KDM2B: variants seen among roughly 807,000 people sequenced by gnomAD.
The protein encoded by KDM2B is lysine demethylase 2B, also known as lysine-specific demethylase 2B.
KDM2B carries 26 observed loss-of-function variants against 150.0 expected under a neutral mutation model. That is an observed-to-expected ratio of 0.17 (90% CI 0.13 to 0.24). The LOEUF (loss-of-function observed/expected upper bound fraction) is 0.24, where lower values mean the gene tolerates loss of function less well. Ranked by LOEUF, KDM2B falls within the 10% of genes least tolerant of loss-of-function variation. KDM2B has a pLI of 1.00. For synonymous variants in KDM2B, 734 were observed against 729.5 expected, an observed-to-expected ratio of 1.01 and a Z score of -0.10; for missense variants, 1,265 against 1,816.9, an observed-to-expected ratio of 0.70 and a Z score of 5.52.
rs547707847 is a variant in KDM2B, at chr12:121,436,273, G to C, written c.3829+3584C>G. On this transcript the variant is annotated intron_variant, in intron 22 of 22. Transcript: ENST00000377071. Reference sequence around the variant, plus strand: ...GCGGTGGCTCACGCCTGTAATCCCAGCACTTTGGGAGGCCGAGGCGGGCGG... The same window carrying C: ...GCGGTGGCTCACGCCTGTAATCCCACCACTTTGGGAGGCCGAGGCGGGCGG... 6.6e-5 allele frequency among the ~76,000 whole-genome samples: 10 copies of C among 152,340 alleles called. No individual in the cohort carries two copies. In the South Asian group the frequency reaches 2.1e-3, roughly 32 times the overall value.
the KDM2B span, among the ~76,000 whole-genome samples, chr12:121,419,246 G>C: frequency 1.3e-5 from 2 of 152,202 alleles, no homozygotes; most frequent in Admixed American, 1.3e-4. Flanking sequence ...ACACTAACGT[G>C]ATGTACGGCT....
rs782260772 is a variant in KDM2B at position 121,442,129 on chromosome 12, C to T, written c.3284+28G>A. ...TCCCTGGTGCCGCCTGAGCCTTAAC[C>T]TAGAGCCCTACACAGGCCGCCGCTC... On this transcript the variant is annotated intron_variant, in intron 19 of 22. Transcript: ENST00000377071. This position sits in a 1 kb window ranked among gnomAD's most constrained non-coding sequence, Gnocchi z 7.7. The T allele has an allele frequency of 3.7e-6, 6 of 1,603,736 alleles. No individual in the cohort carries two copies. The highest frequency in any genetic ancestry group is 3.3e-5 in the Admixed American group (2 of 59,872).
At chr12:121,504,990 G>A (rs991805322) in intron 11 of KDM2B, among the ~76,000 whole-genome samples, 14 of 151,680 alleles carry the variant, frequency 9.2e-5, no homozygotes, top group African/African-American at 1.9e-4. Flanking sequence ...TGTGGCAGGC[G>A]CCTGTAGTCC....
At chr12:121,450,270 C>T (rs543649917) in intron 13 of KDM2B, among the ~76,000 whole-genome samples, 29 of 150,190 alleles carry the variant, frequency 1.9e-4, no homozygotes, top group Non-Finnish European at 3.4e-4. Flanking sequence ...GCCGAGACTG[C>T]GCCACTGCAC....
intron 6 of KDM2B, among the ~76,000 whole-genome samples, chr12:121,546,572 T>G (rs191355184): frequency 3.3e-5 from 5 of 151,218 alleles, no homozygotes; most frequent in Admixed American, 3.3e-4. Flanking sequence ...TTTTTTTTTT[T>G]GTTTGTTTGT....
At chr12:121,563,867 A>C (rs1647921945) in intron 4 of KDM2B, among the ~76,000 whole-genome samples, 1 of 152,066 alleles carries the variant, frequency 6.6e-6, no homozygotes, top group South Asian at 2.1e-4. Context: ...ACTGCACTCC[A>C]TATTGGGCAA....
At chr12:121,528,413 G>T (rs548617975) in intron 8 of KDM2B, among the ~76,000 whole-genome samples, 1 of 152,012 alleles carries the variant, frequency 6.6e-6, no homozygotes, top group African/African-American at 2.4e-5. Flanking sequence ...ACAAAAGTTA[G>T]CCGGGCCCGG....
intron 10 of KDM2B, among the ~76,000 whole-genome samples, chr12:121,511,578 G>T (rs912726306): frequency 6.6e-6 from 1 of 152,144 alleles, no homozygotes; most frequent in African/African-American, 2.4e-5. Context: ...GAGCCATCGC[G>T]CCCGGTGGTG....
intron 4 of KDM2B, among the ~76,000 whole-genome samples, chr12:121,557,628 C>T (rs1277556492): frequency 6.6e-6 from 1 of 152,116 alleles, no homozygotes; most frequent in African/African-American, 2.4e-5. Context: ...AGCTACAAGC[C>T]AAGGCGCACT....
chr12:121,548,346 TA>T (rs1889228028), intron 6 of KDM2B, among the ~76,000 whole-genome samples: 1 of 152,202 alleles, frequency 6.6e-6, no homozygotes, highest in African/African-American at 2.4e-5. Context: ...GGGCACTGTC[TA>T]AGGTACATCA....
chr12:121,430,215 A>G lies in KDM2B; in HGVS notation c.*73T>C. 1 of 1,614,164 alleles carries G rather than the reference A, an allele frequency of 6.2e-7. No individual in the cohort carries two copies. On this transcript the variant is annotated 3_prime_UTR_variant, in exon 23 of 23. Transcript: ENST00000377071. This position sits in a 1 kb window ranked among gnomAD's most constrained non-coding sequence, Gnocchi z 4.4. Reference sequence around the variant, plus strand: ...CTGTTGTCCCACGTTCCAAATGGAAAATAAAAGCCCTCATTTTTGTAAAGT... The same window carrying G: ...CTGTTGTCCCACGTTCCAAATGGAAGATAAAAGCCCTCATTTTTGTAAAGT...
intron 11 of KDM2B, among the ~76,000 whole-genome samples, chr12:121,500,799 T>C (rs893679925): frequency 1.4e-4 from 21 of 152,118 alleles, no homozygotes; most frequent in Admixed American, 7.2e-4. Context: ...TTGAATTGTG[T>C]CCCAAAAAAT....
downstream of KDM2B, among the ~76,000 whole-genome samples, chr12:121,427,149 A>G (rs143492915): frequency 2.6e-5 from 4 of 152,304 alleles, no homozygotes; most frequent in Admixed American, 2.6e-4. Context: ...CCTTGGGTTT[A>G]TGGTCCTTTC....
Position 121,447,082 on chromosome 12 carries a change from T to C in KDM2B, c.1960-1664A>G, listed in dbSNP as rs150456592. Reference sequence around the variant, plus strand: ...TTTAAAAAAAACTGTTGAGTTCTAGTTGAGTATCAGAGTATCCACAGTTAT... The same window carrying C: ...TTTAAAAAAAACTGTTGAGTTCTAGCTGAGTATCAGAGTATCCACAGTTAT... On this transcript the variant is annotated intron_variant, in intron 13 of 22. Coordinates refer to ENST00000377071, the MANE Select transcript of KDM2B (RefSeq NM_032590.5). Among the ~76,000 whole-genome samples the C allele has an allele frequency of 3.5e-3, 539 of 152,328 alleles. 2 individuals are homozygous for C. Among genetic ancestry groups the C allele is most frequent in the African/African-American group, 0.013 (522 of 41,574 alleles).
At chr12:121,516,484 T>TTCCACCCTTC (rs1886206309) in intron 9 of KDM2B, 6 of 1,366,126 alleles carry the variant, frequency 4.4e-6, no homozygotes, top group South Asian at 2.5e-5. Context: ...GGTTGTCGCC[T>TTCCACCCTTC]TCCACCCTTC....
Position 121,533,933 on chromosome 12 carries a change from C to T in KDM2B, c.777+564G>A, listed in dbSNP as rs1887867995. On this transcript the variant is annotated intron_variant, in intron 7 of 22. Coordinates refer to ENST00000377071, the MANE Select transcript of KDM2B (RefSeq NM_032590.5). The surrounding 1 kb of genome is among the most constrained non-coding windows in gnomAD (Gnocchi z 4.1). ...ACTTTGAGAACAAGTCCCAGCTACT[C>T]GAGAGCTGAGGTGGGAAGATCGCTT... is the stretch of plus-strand genomic sequence containing the variant. Among the ~76,000 whole-genome samples, 1 of 152,152 alleles carries T rather than the reference C, an allele frequency of 6.6e-6. No homozygotes were observed. The highest frequency in any genetic ancestry group is 2.1e-4 in the South Asian group (1 of 4,836).
rs972819990 is a variant in KDM2B at position 121,442,411 on chromosome 12, G to A, written c.3030C>T (p.His1010=). The A allele has an allele frequency of 6.3e-6, 10 of 1,598,012 alleles. No homozygotes were observed. Among genetic ancestry groups the A allele is most frequent in the Middle Eastern group, 1.8e-4 (1 of 5,596 alleles). ...GGCTGCGCAGGCTGGGCCCCAGCTGGTGCCGCAGCTCCCGGGGGGTGCCGT... is the reference window on the plus strand; with the variant it reads ...GGCTGCGCAGGCTGGGCCCCAGCTGATGCCGCAGCTCCCGGGGGGTGCCGT... The part of the protein sequence containing the change: ...GLNGTPRELR[H]QLGPSLRSPP... The change falls in exon 19 of 23, where the codon CAC becomes CAT. Residue 1010 remains histidine, a synonymous_variant. Coordinates refer to ENST00000377071, the MANE Select transcript of KDM2B (RefSeq NM_032590.5). The surrounding 1 kb of genome is among the most constrained non-coding windows in gnomAD (Gnocchi z 7.7).
chr12:121,470,677 G>C (rs1880680139), intron 12 of KDM2B: 1 of 152,232 alleles, frequency 6.6e-6, no homozygotes, highest in Admixed American at 6.5e-5. Flanking sequence ...TAGGCAACTG[G>C]AGCCTGGGCT....
chr12:121,417,466 T>G, the KDM2B span: 3 of 1,562,824 alleles, frequency 1.9e-6, no homozygotes, highest in Non-Finnish European at 2.6e-6. The surrounding 1 kb of genome is among the most constrained non-coding windows in gnomAD (Gnocchi z 5.0). Flanking sequence ...TCATAATGGT[T>G]TATATCTTGC....
Sources: gnomAD v4.1 joint callset for allele counts (sites outside exome capture counted in the v4.1 genomes callset) on GRCh38, gnomAD v4.1.1 for gene constraint, Gnocchi (gnomAD v3.1) non-coding constraint, MANE v1.5 for transcripts, NCBI Gene and HGNC (gene_info 2026-07-23, HGNC 2026-07-21) for gene names.